MATN2: variants seen among roughly 807,000 people sequenced by gnomAD.
MATN2 encodes the protein matrilin-2.
In MATN2, 69 loss-of-function variants were observed where a neutral mutation model predicts 103.2. The ratio of observed to expected loss-of-function variants is 0.67; its 90% CI spans 0.55 to 0.82. MATN2 has a LOEUF of 0.82. Among genes scored for constraint, MATN2 ranks in the 40% least tolerant of loss-of-function variants. The pLI, the probability that MATN2 is intolerant of heterozygous loss-of-function variation, is 0.00. For missense variants in MATN2, 1,023 were observed against 1,211.5 expected (o/e 0.84, Z 2.31); for synonymous variants, 429 against 450.2 (o/e 0.95, Z 0.60).
At chr8:97,963,878 A>C (rs1811397218) in intron 5 of MATN2, among the ~76,000 whole-genome samples, 1 of 152,180 alleles carries the variant, frequency 6.6e-6, no homozygotes, top group Non-Finnish European at 1.5e-5. Context: ...TTTTGTTGCC[A>C]GTAGCCTTTC....
At position 98,033,610 on chromosome 8, in the gene MATN2, A is replaced by C; in HGVS notation, c.2766A>C (p.Ile922=). The C allele has an allele frequency of 6.2e-7, 1 of 1,607,274 alleles. No individual in the cohort carries two copies. The highest frequency in any genetic ancestry group is 8.5e-7 in the Non-Finnish European group (1 of 1,177,058). ...KHDQCKCENL[I]MFQNLANEEV... Reference sequence around the variant, plus strand: ...ATCAATGCAAATGTGAAAACCTTATAATGTTCCAGAACCTTGCAAACGAAG... The same window carrying C: ...ATCAATGCAAATGTGAAAACCTTATCATGTTCCAGAACCTTGCAAACGAAG... Residue 922 remains isoleucine (I), a synonymous_variant, in exon 18 of 19, where the codon ATA becomes ATC. Transcript: ENST00000254898.
Position 98,018,100 on chromosome 8 carries a change from T to C in MATN2, c.1803T>C (p.Asp601=). The C allele has an allele frequency of 6.2e-7, 1 of 1,613,838 alleles. No individual in the cohort carries two copies. The highest frequency in any genetic ancestry group is 8.5e-7 in the Non-Finnish European group (1 of 1,179,790). The part of the protein sequence containing the change: ...ECLEGFRLAE[D]GKRCRRKDVC... ...TGGAGGGATTCCGGCTCGCTGAGGATGGGAAACGCTGCCGAAGTAAGTAGC... is the reference window on the plus strand; with the variant it reads ...TGGAGGGATTCCGGCTCGCTGAGGACGGGAAACGCTGCCGAAGTAAGTAGC... Residue 601 remains aspartate (D), a synonymous_variant, in exon 12 of 19, where the codon GAT becomes GAC. Transcript: ENST00000254898.
At chr8:98,022,886 G>A (rs558607017) in intron 13 of MATN2, among the ~76,000 whole-genome samples, 1 of 152,026 alleles carries the variant, frequency 6.6e-6, no homozygotes, top group Non-Finnish European at 1.5e-5. Context: ...TCAGGAGTTC[G>A]AGACCAGCCT....
chr8:98,030,819 C>A (rs143112273), intron 15 of MATN2, among the ~76,000 whole-genome samples: 23 of 152,120 alleles, frequency 1.5e-4, no homozygotes, highest in African/African-American at 5.1e-4. Context: ...CCCACCACCA[C>A]ACCCAGCTAA....
chr8:97,916,755 T>G (rs1347263353), intron 2 of MATN2, among the ~76,000 whole-genome samples: 1 of 152,192 alleles, frequency 6.6e-6, no homozygotes, highest in Non-Finnish European at 1.5e-5. Flanking sequence ...GCAAGGAAAT[T>G]CAATTCATTG....
chr8:97,944,268 T>C (rs1407568597), intron 4 of MATN2, among the ~76,000 whole-genome samples: 1 of 152,180 alleles, frequency 6.6e-6, no homozygotes, highest in Non-Finnish European at 1.5e-5. Flanking sequence ...TGCCACACTT[T>C]GAGATTCACT....
At chr8:97,903,510 A>G (rs79073157) in intron 2 of MATN2, among the ~76,000 whole-genome samples, 3,263 of 152,162 alleles carry the variant, frequency 0.021, 121 homozygotes, top group African/African-American at 0.074. Context: ...TATTTGCTGG[A>G]TGGGTGGACA....
chr8:97,973,059 TGAATGCCCTA>T (rs1811714204), intron 5 of MATN2, among the ~76,000 whole-genome samples: 2 of 152,342 alleles, frequency 1.3e-5, no homozygotes, highest in Admixed American at 1.3e-4. Context: ...ACATTAGAGC[TGAATGCCCTA>T]GAACTCTCTT....
chr8:97,975,687 G>A (rs1317704489), intron 5 of MATN2, among the ~76,000 whole-genome samples: 1 of 152,170 alleles, frequency 6.6e-6, no homozygotes, highest in African/African-American at 2.4e-5. Flanking sequence ...CTGATGGCAG[G>A]CACCCATATC....
chr8:97,973,093 T>C (rs1193152708), intron 5 of MATN2, among the ~76,000 whole-genome samples: 1 of 152,192 alleles, frequency 6.6e-6, no homozygotes, highest in Non-Finnish European at 1.5e-5. Flanking sequence ...CTTAAAAAAC[T>C]GTTAGATTCA....
intron 4 of MATN2, among the ~76,000 whole-genome samples, chr8:97,958,705 C>G (rs1467088187): frequency 6.6e-6 from 1 of 152,162 alleles, no homozygotes; most frequent in East Asian, 1.9e-4. Context: ...TAAATTTTCC[C>G]AGGCCTGAGA....
intron 2 of MATN2, among the ~76,000 whole-genome samples, chr8:97,909,497 C>T (rs1235004128): frequency 3.3e-5 from 5 of 152,124 alleles, no homozygotes; most frequent in East Asian, 1.9e-4. Flanking sequence ...TTAGATGAGT[C>T]GGGGGAAGGC....
intron 2 of MATN2, among the ~76,000 whole-genome samples, chr8:97,908,726 G>C (rs1291435328): frequency 2.0e-5 from 3 of 152,064 alleles, no homozygotes; most frequent in Admixed American, 1.3e-4. Context: ...CCGCCTCCTG[G>C]TTTCAAGTGA....
intron 10 of MATN2, among the ~76,000 whole-genome samples, chr8:98,012,051 C>T (rs556130829): frequency 6.6e-6 from 1 of 152,326 alleles, no homozygotes; most frequent in Admixed American, 6.5e-5. Flanking sequence ...TTCTTTCTCC[C>T]TCTTGAGATT....
chr8:97,883,699 T>C lies in MATN2; in HGVS notation c.-26-4376T>C, dbSNP rs541858205. Among the ~76,000 whole-genome samples, 5 of 151,964 alleles carry C rather than the reference T, an allele frequency of 3.3e-5. No homozygotes were observed. In the East Asian group the frequency reaches 9.7e-4, roughly 30 times the overall value. ...TCCTGAGTAGCTGGGGGACTACAGG[T>C]GCCCGCCACCACACCCGGCTAATTT... On this transcript the variant is annotated intron_variant, in intron 1 of 18. Coordinates refer to ENST00000254898, the MANE Select transcript of MATN2 (RefSeq NM_002380.5).
chr8:97,873,134 G>A (rs1339103914), intron 1 of MATN2, among the ~76,000 whole-genome samples: 1 of 152,168 alleles, frequency 6.6e-6, no homozygotes, highest in Non-Finnish European at 1.5e-5. Context: ...ACAGTCTGGG[G>A]ATTAGGCCAT....
intron 2 of MATN2, among the ~76,000 whole-genome samples, chr8:97,888,820 T>C (rs1002343358): frequency 6.6e-6 from 1 of 152,164 alleles, no homozygotes; most frequent in African/African-American, 2.4e-5. Context: ...GTGGAGGTTA[T>C]AGGAAGGTTG....
intron 5 of MATN2, among the ~76,000 whole-genome samples, chr8:97,968,717 A>G (rs1266457526): frequency 1.3e-5 from 2 of 152,168 alleles, no homozygotes; most frequent in Non-Finnish European, 2.9e-5. Context: ...GTCCATATCT[A>G]TTAGCATTTT....
chr8:98,018,026 T>C lies in MATN2; in HGVS notation c.1729T>C (p.Cys577Arg), dbSNP rs1290702599. ...TGTCTGCCAAGCTATAGACCATGGCTGTGAACACATTTGTGTGAACAGTGA... is the reference window on the plus strand; with the variant it reads ...TGTCTGCCAAGCTATAGACCATGGCCGTGAACACATTTGTGTGAACAGTGA... The part of the protein sequence containing the change: ...KDVCQAIDHG[C>R]EHICVNSDDS... The change falls in exon 12 of 19, where the codon TGT becomes CGT. Residue 577 changes from cysteine (C) to arginine (R), a missense_variant. Transcript: ENST00000254898. 8.7e-6 allele frequency: 14 copies of C among 1,613,852 alleles called. No homozygotes were observed. The highest frequency in any genetic ancestry group is 1.2e-5 in the Non-Finnish European group (14 of 1,179,754).
Sources: gnomAD v4.1 joint callset for allele counts (sites outside exome capture counted in the v4.1 genomes callset) on GRCh38, gnomAD v4.1.1 for gene constraint, MANE v1.5 for transcripts, NCBI Gene and HGNC (gene_info 2026-07-23, HGNC 2026-07-21) for gene names.